Variants in COMMD7 observed in about 807,000 individuals in gnomAD.
COMMD7 encodes the protein COMM domain containing 7.
Under a neutral mutation model 34.8 loss-of-function variants are expected in COMMD7, and 28 were observed. The ratio of observed to expected loss-of-function variants is 0.80; its 90% CI spans 0.60 to 1.10. The LOEUF is 1.10. Ranked by LOEUF, COMMD7 falls within the 50% of genes least tolerant of loss-of-function variation. COMMD7 has a pLI of 0.00. For synonymous variants in COMMD7, 80 were observed against 86.4 expected (o/e 0.93, Z 0.41); for missense variants, 211 against 241.6 (o/e 0.87, Z 0.84).
chr20:32,714,137 A>G (rs920546620), intron 3 of COMMD7, among the ~76,000 whole-genome samples: 3 of 151,850 alleles, frequency 2.0e-5, no homozygotes, highest in African/African-American at 7.3e-5. Context: ...AAAAACCCCC[A>G]AAAAAGAAGG....
chr20:32,707,294 A>ATATATAT (rs1407347506), intron 3 of COMMD7, among the ~76,000 whole-genome samples: 3 of 129,188 alleles, frequency 2.3e-5, no homozygotes, highest in Non-Finnish European at 4.8e-5. Flanking sequence ...AAAAAAAAAA[A>ATATATAT]ATATATATAT....
In COMMD7 at chr20:32,727,979, G is replaced by A. The variant is rs376858552; in HGVS notation, c.155C>T (p.Ala52Val). The change falls in exon 3 of 9, where the codon GCT (alanine) becomes GTT (valine). Residue 52 changes from alanine (A) to valine (V), a missense_variant. Transcript: ENST00000278980. Reference protein sequence around the residue: ...TEPKEVERFLAQLSEFATTNQ... With the variant: ...TEPKEVERFLVQLSEFATTNQ... The stretch of plus-strand genomic sequence containing the variant: ...GGTGGTGGCAAATTCAGAGAGCTGA[G>A]CCAGAAATCTTTCCACCTGCAGAGA... 25 of 1,613,998 alleles carry A rather than the reference G, an allele frequency of 1.5e-5. No individual in the cohort carries two copies. Among genetic ancestry groups the A allele is most frequent in the Non-Finnish European group, 2.0e-5 (24 of 1,180,006 alleles).
chr20:32,743,089 C>A (rs913038181), intron 1 of COMMD7, among the ~76,000 whole-genome samples: 4 of 152,124 alleles, frequency 2.6e-5, no homozygotes, highest in African/African-American at 9.7e-5. Flanking sequence ...TCAGGTGGCC[C>A]TTAGGCCTCC....
chr20:32,721,359 C>T (rs1985144723), intron 3 of COMMD7, among the ~76,000 whole-genome samples: 1 of 152,204 alleles, frequency 6.6e-6, no homozygotes, highest in South Asian at 2.1e-4. Flanking sequence ...TCTATAATCT[C>T]AGGACTTTGG....
intron 1 of COMMD7, among the ~76,000 whole-genome samples, chr20:32,741,632 G>A (rs1014152697): frequency 3.9e-5 from 6 of 151,942 alleles, no homozygotes; most frequent in African/African-American, 7.2e-5. Context: ...CTTGTGATCC[G>A]CCCACCTTGG....
intron 5 of COMMD7, among the ~76,000 whole-genome samples, chr20:32,705,878 T>C (rs1984047938): frequency 6.6e-6 from 1 of 152,162 alleles, no homozygotes; most frequent in African/African-American, 2.4e-5. Flanking sequence ...TTACTTGGCA[T>C]TTCCCATTGT....
At chr20:32,728,330 C>A (rs553506485) in intron 1 of COMMD7, among the ~76,000 whole-genome samples, 188 bp from the exon 2 acceptor site, 1 of 152,152 alleles carries the variant, frequency 6.6e-6, no homozygotes, top group African/African-American at 2.4e-5. Context: ...TGTGTCGCTA[C>A]ATCATCTGAA....
intron 3 of COMMD7, among the ~76,000 whole-genome samples, chr20:32,707,940 A>G (rs188530862): frequency 1.6e-3 from 243 of 152,364 alleles, no homozygotes; most frequent in Non-Finnish European, 2.9e-3. Flanking sequence ...ACACAAGGCC[A>G]GTGACCATTA....
intron 3 of COMMD7, among the ~76,000 whole-genome samples, chr20:32,707,294 A>T (rs147602558): frequency 0.4 from 51,356 of 128,700 alleles, 11,032 homozygotes; most frequent in South Asian, 0.5. Flanking sequence ...AAAAAAAAAA[A>T]ATATATATAT....
At chr20:32,722,018 G>A (rs185773466) in intron 3 of COMMD7, among the ~76,000 whole-genome samples, 223 of 151,790 alleles carry the variant, frequency 1.5e-3, no homozygotes, top group African/African-American at 4.5e-3. Flanking sequence ...CCGAGATCAC[G>A]TCACTGCACT....
intron 1 of COMMD7, among the ~76,000 whole-genome samples, chr20:32,737,043 G>A (rs1013710830): frequency 6.6e-6 from 1 of 151,656 alleles, no homozygotes; most frequent in Admixed American, 6.6e-5. Context: ...TTAGCCAGGC[G>A]TAGTGGCGGG....
chr20:32,703,689 C>CT, intron 8 of COMMD7: 1 of 1,436,632 alleles, frequency 7.0e-7, no homozygotes, highest in South Asian at 1.5e-5. Flanking sequence ...AGCTCCATGG[C>CT]ACAAAGAGAT....
At chr20:32,733,318 C>T (rs781522669) in intron 1 of COMMD7, among the ~76,000 whole-genome samples, 1 of 151,772 alleles carries the variant, frequency 6.6e-6, no homozygotes, top group Non-Finnish European at 1.5e-5. Flanking sequence ...CGGTGGCTCA[C>T]GCCTGTAATC....
intron 7 of COMMD7, 58 bp downstream of exon 7, chr20:32,704,382 T>C (rs1600959925): frequency 7.0e-7 from 1 of 1,433,572 alleles, no homozygotes; most frequent in East Asian, 2.3e-5. Flanking sequence ...CCAATGTAGA[T>C]ATAATTTTTA....
chr20:32,721,793 G>A (rs1383762969), intron 3 of COMMD7, among the ~76,000 whole-genome samples: 5 of 152,150 alleles, frequency 3.3e-5, no homozygotes, highest in Non-Finnish European at 5.9e-5. Flanking sequence ...CTACTCGGGA[G>A]GCTAAGGCAG....
intron 5 of COMMD7, among the ~76,000 whole-genome samples, chr20:32,705,301 GGCATATATATGTGTATATATATACAT>G (rs1379916308): frequency 1.4e-5 from 2 of 146,700 alleles, no homozygotes; most frequent in Non-Finnish European, 3.0e-5. Context: ...GGAGAAAGGA[GGCATATATATGTGTATATATATACAT>G]ACATATATAT....
chr20:32,707,275 C>G (rs971146090), intron 3 of COMMD7, among the ~76,000 whole-genome samples: 2 of 114,468 alleles, frequency 1.7e-5, no homozygotes, highest in African/African-American at 5.7e-5. Context: ...CAGAGCGAGA[C>G]TCCGTCTCAA....
intron 3 of COMMD7, among the ~76,000 whole-genome samples, chr20:32,723,065 A>ATAATAATAAT (rs1985274782): frequency 1.4e-5 from 1 of 70,596 alleles, no homozygotes; most frequent in African/African-American, 4.8e-5. Flanking sequence ...AATAATAATA[A>ATAATAATAAT]AGACTTGTGA....
At chr20:32,727,779 G>T in intron 3 of COMMD7, 114 bp downstream of exon 3, 2 of 824,394 alleles carry the variant, frequency 2.4e-6, no homozygotes, top group African/African-American at 1.7e-5. Context: ...CCCACGTCTG[G>T]CTCATTACCA....
Sources: allele counts gnomAD v4.1 joint callset (sites outside exome capture counted in the v4.1 genomes callset), GRCh38; gene constraint gnomAD v4.1.1; transcripts MANE v1.5; gene names NCBI Gene and HGNC (gene_info 2026-07-23, HGNC 2026-07-21).